The following PREX2 variants were observed in gnomAD, a reference collection of about 807,000 sequenced individuals.
The protein encoded by PREX2 is phosphatidylinositol 3,4,5-trisphosphate-dependent Rac exchanger 2 protein.
A neutral mutation model predicts 203.2 loss-of-function variants in PREX2; 107 were observed. The ratio of observed to expected loss-of-function variants is 0.53; its 90% CI spans 0.45 to 0.62. The LOEUF is 0.62. Among genes scored for constraint, PREX2 ranks in the 20% least tolerant of loss-of-function variants. The probability of loss-of-function intolerance (pLI) is 0.00; values close to 1 mark genes in which losing one functional copy is unlikely to be tolerated. For missense variants in PREX2, 1,777 were observed against 1,955.9 expected, an observed-to-expected ratio of 0.91 and a Z score of 1.72; for synonymous variants, 672 against 663.6, an observed-to-expected ratio of 1.01 and a Z score of -0.19.
At chr8:68,185,619 A>T (rs1812173804) in intron 35 of PREX2, among the ~76,000 whole-genome samples, 1 of 152,188 alleles carries the variant, frequency 6.6e-6, no homozygotes, top group Admixed American at 6.5e-5. Context: ...ATAAATGCCA[A>T]GATTTCTTTC....
At chr8:68,040,097 T>C (rs981063696) in intron 7 of PREX2, among the ~76,000 whole-genome samples, 1 of 152,116 alleles carries the variant, frequency 6.6e-6, no homozygotes, top group Non-Finnish European at 1.5e-5. Flanking sequence ...GGTATGATCA[T>C]AGCTCTCTAC....
intron 38 of PREX2, among the ~76,000 whole-genome samples, chr8:68,223,610 G>T (rs1813000176): frequency 6.6e-6 from 1 of 151,630 alleles, no homozygotes; most frequent in African/African-American, 2.4e-5. Context: ...CAGAGTTTTT[G>T]AACAACTCTC....
Position 68,034,976 on chromosome 8 carries a change from C to T in PREX2, c.706-3183C>T, listed in dbSNP as rs1031370906. Among the ~76,000 whole-genome samples, 127 of 152,044 alleles carry T rather than the reference C, an allele frequency of 8.4e-4. 1 individual carries two copies. The highest frequency in any genetic ancestry group is 2.7e-3 in the African/African-American group (113 of 41,466). ...TGGAAAAAGACCACTGAAAATGAAT[C>T]CAGTTTAAAAGAGGCGCAAAATTTC... is the stretch of plus-strand genomic sequence containing the variant. On this transcript the variant is annotated intron_variant, in intron 6 of 39. Coordinates refer to ENST00000288368, the MANE Select transcript of PREX2 (RefSeq NM_024870.4).
At position 68,033,614 on chromosome 8, in the gene PREX2, G is replaced by C. The variant is rs10504415; in HGVS notation, c.705+2956G>C. Among the ~76,000 whole-genome samples the C allele has an allele frequency of 8.4e-3, 1,276 of 152,240 alleles. 9 individuals carry two copies. Among genetic ancestry groups the C allele is most frequent in the Middle Eastern group, 0.024 (7 of 294 alleles). ...TCTAGGCAGCTGAAACTATTTGACA[G>C]TCTCATCCATGCCCTAGCTAAAGTG... is the stretch of plus-strand genomic sequence containing the variant. On this transcript the variant is annotated intron_variant, in intron 6 of 39. Coordinates refer to ENST00000288368, the MANE Select transcript of PREX2 (RefSeq NM_024870.4).
intron 38 of PREX2, among the ~76,000 whole-genome samples, chr8:68,218,413 C>G (rs1400616200): frequency 2.0e-5 from 3 of 152,130 alleles, no homozygotes; most frequent in African/African-American, 4.8e-5. Context: ...TGTGCTTAAT[C>G]TAGCAGAAAA....
chr8:68,146,139 A>C, intron 33 of PREX2, 70 bp from the exon 34 acceptor site: 2 of 1,094,572 alleles, frequency 1.8e-6, no homozygotes, highest in Non-Finnish European at 2.7e-6. Context: ...ATTCTTTCTG[A>C]AAGTTAACAA....
chr8:68,192,434 G>T lies in PREX2; in HGVS notation c.4513G>T (p.Ala1505Ser), dbSNP rs1812316872. The change falls in exon 37 of 40, where the codon GCT becomes TCT. Residue 1505 changes from alanine to serine, a missense_variant. Coordinates refer to ENST00000288368, the MANE Select transcript of PREX2 (RefSeq NM_024870.4). ...TGCCTGTGCAAACACAGCTTGCAGT[G>T]CTTCTGGGGTTGGACTGCTGTCAGT... ...TAACANTACS[A>S]SGVGLLSVSS... is the part of the protein sequence containing the mutation. 1 of 1,614,018 alleles carries T rather than the reference G, an allele frequency of 6.2e-7. No homozygotes were observed. The highest frequency in any genetic ancestry group is 2.2e-5 in the East Asian group (1 of 44,846).
chr8:68,018,514 C>A (rs1419205590), intron 2 of PREX2, among the ~76,000 whole-genome samples: 1 of 151,774 alleles, frequency 6.6e-6, no homozygotes, highest in African/African-American at 2.4e-5. Flanking sequence ...CTAAGAACCT[C>A]AATGTTTTGG....
Position 68,072,534 on chromosome 8 carries a change from C to A in PREX2, c.1533C>A (p.Val511=). ...DYHLRTYKSV[V]MANKLIDWLI... ...ATTTAAGGACCTACAAATCTGTGGT[C>A]ATGGCCAACAAACTGATAGACTGGT... The change falls in exon 14 of 40, where the codon GTC becomes GTA. Residue 511 remains valine (V), a synonymous_variant. Coordinates refer to ENST00000288368, the MANE Select transcript of PREX2 (RefSeq NM_024870.4). 2 of 1,597,198 alleles carry A rather than the reference C, an allele frequency of 1.3e-6. No individual in the cohort carries two copies. Among genetic ancestry groups the A allele is most frequent in the South Asian group, 2.2e-5 (2 of 90,466 alleles).
At chr8:68,066,317 C>T (rs1809014334) in intron 11 of PREX2, among the ~76,000 whole-genome samples, 1 of 152,058 alleles carries the variant, frequency 6.6e-6, no homozygotes, top group Non-Finnish European at 1.5e-5. Context: ...TCCAAAATGG[C>T]TATATGAATT....
intron 21 of PREX2, among the ~76,000 whole-genome samples, chr8:68,095,618 CTTCCT>C (rs1332919064): frequency 5.7e-5 from 8 of 141,510 alleles, no homozygotes; most frequent in African/African-American, 8.0e-5. Flanking sequence ...TCTTTCTTCC[CTTCCT>C]TTCCTTTCCT....
At chr8:68,120,097 T>C in intron 28 of PREX2, 99 bp from the exon 29 acceptor site, 2 of 744,446 alleles carry the variant, frequency 2.7e-6, no homozygotes, top group Non-Finnish European at 4.4e-6. Flanking sequence ...TCAAAAATAA[T>C]TGTTGCTTTA....
chr8:68,109,640 A>T lies in PREX2; in HGVS notation c.3146+17A>T. The T allele has an allele frequency of 6.3e-7, 1 of 1,599,886 alleles. No homozygotes were observed. The highest frequency in any genetic ancestry group is 1.1e-5 in the South Asian group (1 of 89,946). On this transcript the variant is annotated intron_variant, in intron 25 of 39. Transcript: ENST00000288368. ...AATAGATGAGTAAGTGTTTTGTACT[A>T]CACTTTTAAGTTTGCCAAATAAAAT... is the stretch of plus-strand genomic sequence containing the variant.
intron 10 of PREX2, 84 bp downstream of exon 10, chr8:68,056,058 TA>T (rs1808669398): frequency 7.2e-7 from 1 of 1,379,802 alleles, no homozygotes; most frequent in Non-Finnish European, 9.9e-7. Flanking sequence ...AGTTTTCCTT[TA>T]AAAATATTCC....
intron 30 of PREX2, among the ~76,000 whole-genome samples, chr8:68,121,252 C>A (rs1810768210): frequency 6.6e-6 from 1 of 151,964 alleles, no homozygotes; most frequent in Non-Finnish European, 1.5e-5. Context: ...TTATAAACAT[C>A]ATGGAGAATA....
chr8:68,117,377 T>A (rs1397286734), intron 26 of PREX2, among the ~76,000 whole-genome samples: 6 of 152,198 alleles, frequency 3.9e-5, no homozygotes, highest in African/African-American at 1.2e-4. Flanking sequence ...CCAAAAAGGA[T>A]CTTAATGAAC....
In PREX2 at chr8:67,952,625, T is replaced by C. The variant is rs965141629; in HGVS notation, c.141+90T>C. 3.2e-5 allele frequency: 48 copies of C among 1,520,926 alleles called. No homozygotes were observed. The African/African-American group carries it at 6.3e-4, about 20-fold the overall frequency. 94.2% of individuals were successfully genotyped at this position (1,520,926 alleles called of 1,614,324 possible). ...TGCGGGAAGGACGCGCGGCATTGTC[T>C]GTGCGGGGACCCGGGACGGGTCGGG... On this transcript the variant is annotated intron_variant, in intron 1 of 39. Coordinates refer to ENST00000288368, the MANE Select transcript of PREX2 (RefSeq NM_024870.4).
chr8:68,128,113 T>C (rs1307003434), intron 31 of PREX2, among the ~76,000 whole-genome samples: 1 of 152,198 alleles, frequency 6.6e-6, no homozygotes, highest in East Asian at 1.9e-4. Flanking sequence ...TCGTAAAGAT[T>C]GGGAAAACTC....
intron 8 of PREX2, among the ~76,000 whole-genome samples, chr8:68,049,889 A>G (rs942466900): frequency 2.0e-5 from 3 of 152,068 alleles, no homozygotes; most frequent in South Asian, 2.1e-4. Context: ...ACAATGTGCT[A>G]TGATTAAAAT....
Sources: allele counts gnomAD v4.1 joint callset (sites outside exome capture counted in the v4.1 genomes callset), GRCh38; gene constraint gnomAD v4.1.1; transcripts MANE v1.5; gene names NCBI Gene and HGNC (gene_info 2026-07-23, HGNC 2026-07-21).